SSBP2: variants seen among roughly 807,000 people sequenced by gnomAD.
SSBP2 encodes the protein single-stranded DNA-binding protein 2.
Under a neutral mutation model 61.8 loss-of-function variants are expected in SSBP2, and 17 were observed. The observed-to-expected ratio is 0.28, with a 90% CI of 0.19 to 0.41. The LOEUF (loss-of-function observed/expected upper bound fraction) is 0.41. Ranked by LOEUF, SSBP2 falls within the 10% of genes least tolerant of loss-of-function variation. The pLI is 1.00. For synonymous variants in SSBP2, 139 were observed against 141.3 expected, an observed-to-expected ratio of 0.98 and a Z score of 0.12; for missense variants, 310 against 458.7, an observed-to-expected ratio of 0.68 and a Z score of 2.96.
rs564796433 is a variant in SSBP2 at position 81,750,763 on chromosome 5, C to G, written c.62+218G>C. The G allele has an allele frequency of 5.1e-5, 30 of 584,042 alleles. No individual in the cohort carries two copies. The South Asian group carries it at 6.1e-4, about 12-fold the overall frequency. 36.2% of individuals were successfully genotyped at this position (584,042 alleles called of 1,614,324 possible). On this transcript the variant is annotated intron_variant, in intron 1 of 16. Transcript: ENST00000320672. ...GCCCCTCAACACACCCGGTCCCTCC[C>G]GCCGACAGCCCCCTGCGGCCGCCCG...
intron 4 of SSBP2, among the ~76,000 whole-genome samples, chr5:81,597,554 C>A (rs1156865615): frequency 6.6e-6 from 1 of 152,154 alleles, no homozygotes; most frequent in Non-Finnish European, 1.5e-5. Flanking sequence ...AAGACACATG[C>A]ACACGTATGT....
intron 1 of SSBP2, among the ~76,000 whole-genome samples, chr5:81,684,579 G>A (rs1262191481): frequency 1.3e-5 from 2 of 152,058 alleles, no homozygotes; most frequent in African/African-American, 2.4e-5. Flanking sequence ...GAGGTTATTT[G>A]GGAGCTTTAA....
At chr5:81,592,825 C>T (rs1743218052) in intron 4 of SSBP2, among the ~76,000 whole-genome samples, 1 of 152,102 alleles carries the variant, frequency 6.6e-6, no homozygotes, top group Non-Finnish European at 1.5e-5. Context: ...GACATCCACA[C>T]CAAAGACCCA....
chr5:81,499,941 A>G (rs1359339565), intron 5 of SSBP2, among the ~76,000 whole-genome samples: 2 of 152,158 alleles, frequency 1.3e-5, no homozygotes, highest in East Asian at 1.9e-4. Context: ...TAAGTTTCTG[A>G]TATCTTGATA....
chr5:81,421,840 C>T (rs759867894), intron 16 of SSBP2, among the ~76,000 whole-genome samples: 3 of 152,108 alleles, frequency 2.0e-5, no homozygotes, highest in Non-Finnish European at 4.4e-5. Flanking sequence ...GTGATTAGTG[C>T]AATCAAGACA....
chr5:81,647,972 T>C (rs1749410389), intron 2 of SSBP2, among the ~76,000 whole-genome samples: 1 of 152,136 alleles, frequency 6.6e-6, no homozygotes, highest in African/African-American at 2.4e-5. Flanking sequence ...TAATAATCAC[T>C]GTATCTAATA....
At chr5:81,494,836 T>C (rs1286585568) in intron 5 of SSBP2, among the ~76,000 whole-genome samples, 3 of 152,146 alleles carry the variant, frequency 2.0e-5, no homozygotes, top group Admixed American at 6.5e-5. Context: ...AAAAATACTC[T>C]AATAGAAACG....
At chr5:81,607,562 T>C (rs968649877) in intron 4 of SSBP2, among the ~76,000 whole-genome samples, 30 of 152,300 alleles carry the variant, frequency 2.0e-4, no homozygotes, top group African/African-American at 6.7e-4. Context: ...CATAGCTACA[T>C]TGAAGAAAGG....
intron 1 of SSBP2, among the ~76,000 whole-genome samples, chr5:81,665,642 A>C (rs1751046589): frequency 6.6e-6 from 1 of 152,136 alleles, no homozygotes; most frequent in South Asian, 2.1e-4. Context: ...TACAGGCGCC[A>C]GGCACCATGT....
chr5:81,699,297 T>C (rs965332480), intron 1 of SSBP2, among the ~76,000 whole-genome samples: 6 of 152,212 alleles, frequency 3.9e-5, no homozygotes, highest in African/African-American at 1.4e-4. Context: ...TGATTGACTC[T>C]TCCTTGCAGG....
intron 5 of SSBP2, among the ~76,000 whole-genome samples, chr5:81,509,987 C>T (rs1243928484): frequency 6.6e-6 from 1 of 152,178 alleles, no homozygotes; most frequent in Non-Finnish European, 1.5e-5. Context: ...CTATCATAGC[C>T]AACCTACTAA....
chr5:81,569,853 G>A (rs1241279605), intron 4 of SSBP2, among the ~76,000 whole-genome samples: 2 of 152,092 alleles, frequency 1.3e-5, no homozygotes, highest in Non-Finnish European at 2.9e-5. Flanking sequence ...AATTCAAAGC[G>A]ACACTAAATT....
At position 81,414,452 on chromosome 5, in the gene SSBP2, G is replaced by A. The variant is rs1429757302; in HGVS notation, c.*6052C>T. ...GGATTTCACTTCATAGTTTAAAAAA[G>A]TAAACAGGTCTCAGGTGTCTTTTTC... On this transcript the variant is annotated 3_prime_UTR_variant, in exon 17 of 17. Coordinates refer to ENST00000320672, the MANE Select transcript of SSBP2 (RefSeq NM_012446.5). The A allele has an allele frequency of 6.6e-6, 1 of 152,166 alleles. No homozygotes were observed. Among genetic ancestry groups the A allele is most frequent in the East Asian group, 1.9e-4 (1 of 5,206 alleles). 9.4% of individuals were successfully genotyped at this position (152,166 alleles called of 1,614,324 possible).
At chr5:81,703,488 A>G (rs1434329959) in intron 1 of SSBP2, among the ~76,000 whole-genome samples, 1 of 152,216 alleles carries the variant, frequency 6.6e-6, no homozygotes, top group Non-Finnish European at 1.5e-5. Flanking sequence ...GCAGCACACC[A>G]GCATGGCACA....
At chr5:81,595,863 T>A (rs1009167410) in intron 4 of SSBP2, among the ~76,000 whole-genome samples, 1 of 152,168 alleles carries the variant, frequency 6.6e-6, no homozygotes, top group Non-Finnish European at 1.5e-5. Flanking sequence ...GAGCTATCTA[T>A]GACAAACCCA....
At chr5:81,608,796 G>T (rs1745141695) in intron 4 of SSBP2, among the ~76,000 whole-genome samples, 1 of 152,070 alleles carries the variant, frequency 6.6e-6, no homozygotes, top group Non-Finnish European at 1.5e-5. Flanking sequence ...TGAGTCAGAT[G>T]CAGAAATAGC....
intron 12 of SSBP2, among the ~76,000 whole-genome samples, chr5:81,445,142 A>ATATATATATATATT (rs1763306493): frequency 2.1e-5 from 1 of 47,492 alleles, no homozygotes; most frequent in Non-Finnish European, 4.0e-5. Context: ...AAAATTTTAT[A>ATATATATATATATT]TATATATATA....
chr5:81,672,900 G>A (rs1429677171), intron 1 of SSBP2, among the ~76,000 whole-genome samples: 1 of 144,218 alleles, frequency 6.9e-6, no homozygotes. Context: ...AAACAGTCTC[G>A]TGCTATCCCT....
intron 6 of SSBP2, among the ~76,000 whole-genome samples, chr5:81,482,545 C>T (rs929480511): frequency 5.9e-5 from 9 of 152,156 alleles, no homozygotes; most frequent in African/African-American, 2.2e-4. Context: ...AGCTTCTTTC[C>T]TAAACTTCAT....
Sources: gnomAD v4.1 joint callset for allele counts (sites outside exome capture counted in the v4.1 genomes callset) on GRCh38, gnomAD v4.1.1 for gene constraint, MANE v1.5 for transcripts, NCBI Gene and HGNC (gene_info 2026-07-23, HGNC 2026-07-21) for gene names.